USP25: variants seen among roughly 807,000 people sequenced by gnomAD.
USP25 encodes ubiquitin carboxyl-terminal hydrolase 25.
Under a neutral mutation model 158.5 loss-of-function variants are expected in USP25, and 85 were observed. That is an observed-to-expected ratio of 0.54 (90% CI 0.45 to 0.64). USP25 has a LOEUF of 0.64. Among genes scored for constraint, USP25 ranks in the 30% least tolerant of loss-of-function variants. The pLI is 0.00. For missense variants in USP25, 1,242 were observed against 1,327.3 expected, an observed-to-expected ratio of 0.94 and a Z score of 1.00; for synonymous variants, 464 against 460.4, an observed-to-expected ratio of 1.01 and a Z score of -0.10.
chr21:15,756,077 C>G (rs1264674382), intron 1 of USP25, among the ~76,000 whole-genome samples: 2 of 152,102 alleles, frequency 1.3e-5, no homozygotes, highest in African/African-American at 4.8e-5. Flanking sequence ...TAAGAAATAG[C>G]CCTTAGAAGA....
At chr21:15,873,418 G>T (rs1430991064) in intron 23 of USP25, among the ~76,000 whole-genome samples, 1 of 151,902 alleles carries the variant, frequency 6.6e-6, no homozygotes, top group South Asian at 2.1e-4. Flanking sequence ...ACTGTGCCTG[G>T]CCCCTTTTCT....
At chr21:15,750,304 T>G (rs1338550674) in intron 1 of USP25, among the ~76,000 whole-genome samples, 32 of 148,136 alleles carry the variant, frequency 2.2e-4, no homozygotes, top group Non-Finnish European at 1.5e-5. Context: ...CAATCTTGGT[T>G]CACTGCAACC....
chr21:15,818,740 T>A lies in USP25; in HGVS notation c.974T>A (p.Leu325His). Reference protein sequence around the residue: ...ENTEMFGQYPLQVNGFKDLHE... With the variant: ...ENTEMFGQYPHQVNGFKDLHE... Reference sequence around the variant, plus strand: ...ACTGAAATGTTTGGTCAGTACCCACTTCAGGTCAATGGGTTCAAAGATCTG... The same window carrying A: ...ACTGAAATGTTTGGTCAGTACCCACATCAGGTCAATGGGTTCAAAGATCTG... The change falls in exon 10 of 26, where the codon CTT becomes CAT. Residue 325 changes from leucine (L) to histidine (H), a missense_variant. Physicochemically the swap from Leu to His is moderately conservative, Grantham distance 99. Around this residue, in one of 3 missense-constraint regions of USP25, gnomAD observed 627 missense variants for 701.4 expected, o/e 0.89. Transcript: ENST00000400183. The A allele has an allele frequency of 6.2e-7, 1 of 1,613,686 alleles. No homozygotes were observed. Among genetic ancestry groups the A allele is most frequent in the Middle Eastern group, 1.7e-4 (1 of 6,056 alleles).
intron 1 of USP25, chr21:15,744,382 A>C (rs2032344825): frequency 6.6e-6 from 1 of 152,564 alleles, no homozygotes; most frequent in Non-Finnish European, 1.5e-5. Flanking sequence ...GCTGGAGTGC[A>C]GTGGTGCAAT....
At chr21:15,758,773 G>T (rs758954258) in intron 1 of USP25, among the ~76,000 whole-genome samples, 5 of 152,112 alleles carry the variant, frequency 3.3e-5, no homozygotes, top group Non-Finnish European at 7.4e-5. Context: ...AGGCAAGAGA[G>T]CATGTGCAGG....
At chr21:15,789,294 G>A (rs1426340841) in intron 4 of USP25, among the ~76,000 whole-genome samples, 1 of 151,974 alleles carries the variant, frequency 6.6e-6, no homozygotes, top group East Asian at 1.9e-4. Flanking sequence ...ACCTTCCTGG[G>A]GTTTAGTAAT....
intron 22 of USP25, among the ~76,000 whole-genome samples, chr21:15,868,680 G>T (rs2039758913): frequency 6.6e-6 from 1 of 152,132 alleles, no homozygotes; most frequent in Admixed American, 6.5e-5. Flanking sequence ...ATTGGAACAT[G>T]GCCATTTGTA....
intron 1 of USP25, among the ~76,000 whole-genome samples, chr21:15,731,330 C>T (rs1367965034): frequency 6.6e-6 from 1 of 151,978 alleles, no homozygotes; most frequent in Non-Finnish European, 1.5e-5. Context: ...GCATTTTGGG[C>T]AAAAGAGTAA....
chr21:15,855,853 T>C (rs1655458388), intron 20 of USP25, among the ~76,000 whole-genome samples: 1 of 152,256 alleles, frequency 6.6e-6, no homozygotes, highest in Non-Finnish European at 1.5e-5. Flanking sequence ...AGCCATTATC[T>C]GGACTTCTAA....
At position 15,875,254 on chromosome 21, in the gene USP25, A is replaced by G. The variant is rs117782162; in HGVS notation, c.3009+728A>G. 1.3e-5 allele frequency among the ~76,000 whole-genome samples: 2 copies of G among 152,196 alleles called. No individual in the cohort carries two copies. Among genetic ancestry groups the G allele is most frequent in the South Asian group, 2.1e-4 (1 of 4,830 alleles). ...AAAAATTGAATTTTCAGGTACAAGA[A>G]TAGTATAGCTGACTTTAAACATACA... is the stretch of plus-strand genomic sequence containing the variant. On this transcript the variant is annotated intron_variant, in intron 24 of 25. Coordinates refer to ENST00000400183, the MANE Select transcript of USP25 (RefSeq NM_001283041.3). This position sits in a 1 kb window ranked among gnomAD's most constrained non-coding sequence, Gnocchi z 4.7.
chr21:15,753,077 C>T (rs1228241752), intron 1 of USP25, among the ~76,000 whole-genome samples: 1 of 152,136 alleles, frequency 6.6e-6, no homozygotes, highest in Non-Finnish European at 1.5e-5. Flanking sequence ...GCATTGTTGC[C>T]TCTAGGGAAA....
chr21:15,813,112 A>G (rs1159247091), intron 9 of USP25, among the ~76,000 whole-genome samples: 1 of 151,792 alleles, frequency 6.6e-6, no homozygotes, highest in East Asian at 1.9e-4. Flanking sequence ...ATTGCTGGCA[A>G]AAAGTCACAG....
At chr21:15,868,206 A>G (rs2146576921) in intron 22 of USP25, among the ~76,000 whole-genome samples, 1 of 152,320 alleles carries the variant, frequency 6.6e-6, no homozygotes, top group South Asian at 2.1e-4. Flanking sequence ...CATAGGTAGA[A>G]GCCCAAAGAC....
intron 8 of USP25, among the ~76,000 whole-genome samples, chr21:15,809,222 A>G (rs1030333516): frequency 6.6e-6 from 1 of 152,196 alleles, no homozygotes; most frequent in Admixed American, 6.5e-5. Context: ...AGACAGGGAT[A>G]TGAAGTAGCA....
At chr21:15,795,712 A>G (rs1209322238) in intron 5 of USP25, among the ~76,000 whole-genome samples, 2 of 151,596 alleles carry the variant, frequency 1.3e-5, no homozygotes, top group African/African-American at 4.8e-5. Flanking sequence ...TAAGATCTCC[A>G]AAGACTAAAT....
At chr21:15,876,622 G>C (rs747713623) in intron 24 of USP25, 2 of 154,562 alleles carry the variant, frequency 1.3e-5, no homozygotes, top group Non-Finnish European at 2.9e-5. Context: ...CTCACTCCCT[G>C]TCACAAGAAC....
intron 1 of USP25, among the ~76,000 whole-genome samples, chr21:15,755,267 T>G (rs1017801836): frequency 6.6e-6 from 1 of 152,194 alleles, no homozygotes; most frequent in Non-Finnish European, 1.5e-5. Context: ...TTGACTTTCT[T>G]TTCCTGAACC....
intron 4 of USP25, among the ~76,000 whole-genome samples, chr21:15,788,061 C>A (rs2123587014): frequency 6.6e-6 from 1 of 151,952 alleles, no homozygotes; most frequent in Non-Finnish European, 1.5e-5. Flanking sequence ...AAGGTCATGA[C>A]CAATTTTGAG....
intron 18 of USP25, among the ~76,000 whole-genome samples, chr21:15,846,050 C>T (rs1215026022): frequency 7.4e-6 from 1 of 135,052 alleles, no homozygotes; most frequent in Non-Finnish European, 1.5e-5. Context: ...CTGATCATTT[C>T]CTGTTGAAAA....
Sources: allele counts gnomAD v4.1 joint callset (sites outside exome capture counted in the v4.1 genomes callset), GRCh38; gene constraint gnomAD v4.1.1; regional missense constraint gnomAD v4.1.1; non-coding constraint Gnocchi (gnomAD v3.1); transcripts MANE v1.5; gene names NCBI Gene and HGNC (gene_info 2026-07-23, HGNC 2026-07-21).